The following SOS2 variants were observed in gnomAD, a reference collection of about 807,000 sequenced individuals.
SOS2 encodes the protein SOS Ras/Rho guanine nucleotide exchange factor 2, also known as son of sevenless homolog 2.
SOS2 carries 65 observed loss-of-function variants against 148.2 expected under a neutral mutation model. That is an observed-to-expected ratio of 0.44 (90% CI 0.36 to 0.54). The LOEUF is 0.54. SOS2 is among the 20% of genes least tolerant of loss of function. SOS2 has a pLI of 0.00. For synonymous variants in SOS2, 539 were observed against 537.1 expected (o/e 1.00, Z -0.05); for missense variants, 1,341 against 1,590.2 (o/e 0.84, Z 2.67).
intron 21 of SOS2, among the ~76,000 whole-genome samples, chr14:50,121,540 A>G (rs1378956326): frequency 8.1e-4 from 63 of 77,798 alleles, no homozygotes; most frequent in African/African-American, 2.0e-3. Flanking sequence ...GAGGGGGGGG[A>G]GTCCTGTTGA....
At chr14:50,189,061 T>TCTCACACACA (rs754710630) in intron 4 of SOS2, among the ~76,000 whole-genome samples, 2 of 128,688 alleles carry the variant, frequency 1.6e-5, no homozygotes, top group African/African-American at 5.8e-5. Context: ...CGAGACTCCA[T>TCTCACACACA]CACACACACA....
intron 16 of SOS2, among the ~76,000 whole-genome samples, chr14:50,143,823 A>T (rs1046845531): frequency 2.9e-3 from 396 of 134,532 alleles, no homozygotes; most frequent in African/African-American, 1.0e-2. Flanking sequence ...ATGCCTGGCT[A>T]TTTTTTTTTT....
intron 3 of SOS2, among the ~76,000 whole-genome samples, chr14:50,200,590 T>C (rs1886455946): frequency 1.1e-5 from 1 of 91,574 alleles, no homozygotes; most frequent in Non-Finnish European, 2.1e-5. Flanking sequence ...CTCATGACTC[T>C]TATCCTAGCA....
At chr14:50,189,850 A>T (rs138887244) in intron 4 of SOS2, among the ~76,000 whole-genome samples, 67 of 126,322 alleles carry the variant, frequency 5.3e-4, no homozygotes, top group Middle Eastern at 3.8e-3. Context: ...TTTATTTTTT[A>T]TTTTTTTTTT....
intron 22 of SOS2, among the ~76,000 whole-genome samples, chr14:50,119,278 A>G (rs72681826): frequency 0.14 from 21,742 of 152,166 alleles, 2,046 homozygotes; most frequent in African/African-American, 0.27. Flanking sequence ...TCCAGAGACC[A>G]ACAACATCAG....
At chr14:50,133,099 T>C (rs1883940838) in intron 19 of SOS2, among the ~76,000 whole-genome samples, 1 of 152,058 alleles carries the variant, frequency 6.6e-6, no homozygotes, top group South Asian at 2.1e-4. Context: ...ACAAAATGGT[T>C]GGTATTAGCG....
intron 8 of SOS2, among the ~76,000 whole-genome samples, chr14:50,171,183 G>A (rs1016663334): frequency 6.6e-6 from 1 of 151,878 alleles, no homozygotes; most frequent in Admixed American, 6.6e-5. Flanking sequence ...TCAGAACCCT[G>A]TGCACTGTTG....
intron 1 of SOS2, chr14:50,215,493 GA>G (rs1364551383): frequency 8.1e-7 from 1 of 1,239,162 alleles, no homozygotes; most frequent in Non-Finnish European, 1.0e-6. Context: ...CATATTTTTT[GA>G]AAGCCTAGTC....
At chr14:50,176,893 C>T (rs1197175025) in intron 7 of SOS2, among the ~76,000 whole-genome samples, 1 of 151,888 alleles carries the variant, frequency 6.6e-6, no homozygotes, top group Non-Finnish European at 1.5e-5. Flanking sequence ...GCCTGTAGTC[C>T]CAGCTACTTA....
chr14:50,117,637 T>C lies in SOS2; in HGVS notation c.*707A>G, dbSNP rs538742340. 41 of 152,340 alleles carry C rather than the reference T, an allele frequency of 2.7e-4. No homozygotes were observed. Among genetic ancestry groups the C allele is most frequent in the African/African-American group, 9.1e-4 (38 of 41,592 alleles). The allele number at this position is 152,340 out of a possible 1,614,324, so 9.4% of individuals were successfully genotyped here. The stretch of plus-strand genomic sequence containing the variant: ...AACTGTTTTCCATAACAATAGGCAA[T>C]TCATTAGCTAAAGACGTCATAGTCT... On this transcript the variant is annotated 3_prime_UTR_variant, in exon 23 of 23. Coordinates refer to ENST00000216373, the MANE Select transcript of SOS2 (RefSeq NM_006939.4).
At chr14:50,130,065 G>A in intron 20 of SOS2, 63 bp from the exon 21 acceptor site, 1 of 1,042,252 alleles carries the variant, frequency 9.6e-7, no homozygotes, top group Non-Finnish European at 1.5e-6. Flanking sequence ...TTTTTTAAAT[G>A]TTTCCATAAA....
chr14:50,199,707 G>T lies in SOS2; in HGVS notation c.494C>A (p.Ser165Ter). Reference protein sequence around the residue: ...YEISQQDIKVSMCADKVLMDM... With the variant: ...YEISQQDIKV Reference sequence around the variant, plus strand: ...AACACTTACCTTATCCGCACACATTGACACTTTAATGTCCTGCTGAGATAT... The same window carrying T: ...AACACTTACCTTATCCGCACACATTTACACTTTAATGTCCTGCTGAGATAT... The change falls in exon 4 of 23, where the codon TCA (serine) becomes TAA (stop). Residue 165 changes from serine to a stop codon, truncating the protein, a stop_gained. Coordinates refer to ENST00000216373, the MANE Select transcript of SOS2 (RefSeq NM_006939.4). LOFTEE classifies it high-confidence loss of function. The T allele has an allele frequency of 6.2e-7, 1 of 1,603,948 alleles. No individual in the cohort carries two copies. Among genetic ancestry groups the T allele is most frequent in the South Asian group, 1.1e-5 (1 of 89,594 alleles).
intron 20 of SOS2, 49 bp from the exon 21 acceptor site, chr14:50,130,051 ATTATTTTT>A: frequency 8.6e-7 from 1 of 1,160,532 alleles, no homozygotes; most frequent in Non-Finnish European, 1.3e-6. Context: ...ACATGTAGGT[ATTATTTTT>A]TAAATGTTTC....
intron 18 of SOS2, among the ~76,000 whole-genome samples, chr14:50,135,523 T>C (rs1003300774): frequency 2.1e-4 from 32 of 149,648 alleles, no homozygotes; most frequent in Non-Finnish European, 3.4e-4. Context: ...TATATGCATG[T>C]ATATATGTAT....
intron 21 of SOS2, among the ~76,000 whole-genome samples, chr14:50,122,046 G>T (rs1883530869): frequency 6.6e-6 from 1 of 152,148 alleles, no homozygotes; most frequent in Non-Finnish European, 1.5e-5. Context: ...AAGTGAACCT[G>T]ACCCCTTAGC....
intron 2 of SOS2, among the ~76,000 whole-genome samples, chr14:50,203,399 C>T (rs1298896658): frequency 2.0e-5 from 3 of 151,904 alleles, no homozygotes; most frequent in Non-Finnish European, 4.4e-5. Context: ...TTTTTGATAG[C>T]TGTACTATTA....
At chr14:50,166,137 C>T (rs1168568339) in intron 8 of SOS2, among the ~76,000 whole-genome samples, 2 of 152,076 alleles carry the variant, frequency 1.3e-5, no homozygotes, top group Non-Finnish European at 2.9e-5. Flanking sequence ...AATGAGTGTA[C>T]TCTGGAAAAG....
At chr14:50,194,453 ATTTTTTTT>A (rs58933204) in intron 4 of SOS2, among the ~76,000 whole-genome samples, 8 of 98,734 alleles carry the variant, frequency 8.1e-5, no homozygotes, top group East Asian at 3.1e-4. Flanking sequence ...ATCCCTTTCA[ATTTTTTTT>A]TTTTTTTTTT....
At chr14:50,158,492 T>C in intron 11 of SOS2, 73 bp downstream of exon 11, 1 of 834,574 alleles carries the variant, frequency 1.2e-6, no homozygotes. Context: ...ATTTATTAGG[T>C]ACTAGGCACT....
Sources: allele counts gnomAD v4.1 joint callset (sites outside exome capture counted in the v4.1 genomes callset), GRCh38; gene constraint gnomAD v4.1.1; transcripts MANE v1.5; gene names NCBI Gene and HGNC (gene_info 2026-07-23, HGNC 2026-07-21).